TTC12: variants seen among roughly 807,000 people sequenced by gnomAD.
The protein encoded by TTC12 is tetratricopeptide repeat protein 12.
A neutral mutation model predicts 90.1 loss-of-function variants in TTC12; 70 were observed. The observed-to-expected ratio is 0.78, with a 90% confidence interval of 0.64 to 0.95. TTC12 has a LOEUF of 0.95. Ranked by LOEUF, TTC12 falls within the 40% of genes least tolerant of loss-of-function variation. The pLI, the probability that TTC12 is intolerant of heterozygous loss-of-function variation, is 0.00. For synonymous variants in TTC12, 296 were observed against 311.5 expected, an observed-to-expected ratio of 0.95 and a Z score of 0.53; for missense variants, 819 against 846.1, an observed-to-expected ratio of 0.97 and a Z score of 0.40.
intron 6 of TTC12, among the ~76,000 whole-genome samples, chr11:113,327,110 A>C (rs1947742510): frequency 6.6e-6 from 1 of 152,240 alleles, no homozygotes; most frequent in Non-Finnish European, 1.5e-5. Context: ...AAAGTTATAT[A>C]ATTTCAGACA....
At chr11:113,367,004 C>T (rs1950240585), downstream of TTC12, among the ~76,000 whole-genome samples, 1 of 152,190 alleles carries the variant, frequency 6.6e-6, no homozygotes, top group Non-Finnish European at 1.5e-5. Flanking sequence ...TACAGTGAAC[C>T]CTGACTGATG....
intron 6 of TTC12, among the ~76,000 whole-genome samples, chr11:113,326,444 T>G (rs1555141084): frequency 6.6e-6 from 1 of 152,078 alleles, no homozygotes; most frequent in South Asian, 2.1e-4. Context: ...CTGTGTGAGG[T>G]GGACTTGATG....
Position 113,323,312 on chromosome 11 carries a change from C to T in TTC12, c.83C>T (p.Ser28Phe), listed in dbSNP as rs756792530. ...GCCAATTTAATTCAGGAGATGAATT[C>T]TGATGACCCAGTTGTGCAACAGAAA... is the stretch of plus-strand genomic sequence containing the variant. ...EISNLIQEMNSDDPVVQQKAV... is the reference protein window; with the variant it reads ...EISNLIQEMNFDDPVVQQKAV... The change falls in exon 3 of 22, where the codon TCT becomes TTT. Residue 28 changes from serine (S) to phenylalanine (F), a missense_variant. By Grantham distance (155) the Ser-to-Phe change is radical. Coordinates refer to ENST00000529221, the MANE Select transcript of TTC12 (RefSeq NM_017868.4). 49 of 1,603,298 alleles carry T rather than the reference C, an allele frequency of 3.1e-5. 1 individual carries two copies. Among genetic ancestry groups the T allele is most frequent in the Non-Finnish European group, 4.1e-5 (48 of 1,177,040 alleles).
In TTC12 at chr11:113,316,224, A is replaced by G. The variant is rs978218597; in HGVS notation, c.-15-19A>G. Reference sequence around the variant, plus strand: ...GTGCTTTATTATTATTAATTTCACCATTATGCTGCATCCCTTAGGGATTCC... The same window carrying G: ...GTGCTTTATTATTATTAATTTCACCGTTATGCTGCATCCCTTAGGGATTCC... On this transcript the variant is annotated intron_variant, in intron 1 of 21. Coordinates refer to ENST00000529221, the MANE Select transcript of TTC12 (RefSeq NM_017868.4). The G allele has an allele frequency of 1.5e-6, 2 of 1,303,596 alleles. No homozygotes were observed. The highest frequency in any genetic ancestry group is 3.0e-5 in the African/African-American group (2 of 66,938). The allele number at this position is 1,303,596 out of a possible 1,614,324, so 80.8% of individuals were successfully genotyped here.
intron 16 of TTC12, among the ~76,000 whole-genome samples, chr11:113,356,971 T>C (rs782158912): frequency 3.3e-5 from 5 of 152,208 alleles, no homozygotes; most frequent in Non-Finnish European, 5.9e-5. Context: ...TGTTGGCCTC[T>C]CTAGCTAGGT....
rs781881632 is a variant in TTC12 at position 113,338,800 on chromosome 11, A to T, written c.603A>T (p.Leu201Phe). Residue 201 changes from leucine (L) to phenylalanine (F), a missense_variant, in exon 9 of 22, where the codon TTA becomes TTT. Physicochemically the swap from Leu to Phe is conservative, Grantham distance 22. Transcript: ENST00000529221. ...CTAGAGAGTGTTATAAGAAGATCTT[A>T]GAAATAAACCCCAAGCTGCAAACCC... ...SVSRECYKKI[L>F]EINPKLQTQV... 1 of 1,614,080 alleles carries T rather than the reference A, an allele frequency of 6.2e-7. No homozygotes were observed. The highest frequency in any genetic ancestry group is 1.1e-5 in the South Asian group (1 of 91,070).
At chr11:113,328,541 C>A (rs1947832466) in intron 6 of TTC12, among the ~76,000 whole-genome samples, 1 of 152,048 alleles carries the variant, frequency 6.6e-6, no homozygotes, top group South Asian at 2.1e-4. Flanking sequence ...TCTCATATGT[C>A]ACTCTACTTC....
chr11:113,332,302 G>A (rs1051450512), intron 7 of TTC12, among the ~76,000 whole-genome samples: 3 of 152,204 alleles, frequency 2.0e-5, no homozygotes, highest in Non-Finnish European at 2.9e-5. Flanking sequence ...GGGCCTATTC[G>A]TGAGAAAAAT....
intron 21 of TTC12, 139 bp from the exon 22 acceptor site, chr11:113,366,086 A>T: frequency 1.1e-6 from 1 of 876,246 alleles, no homozygotes. Context: ...CCCCAATGCC[A>T]CAGCCACTTC....
At chr11:113,344,171 G>A in intron 12 of TTC12, 101 bp from the exon 13 acceptor site, 1 of 1,290,286 alleles carries the variant, frequency 7.8e-7, no homozygotes, top group Non-Finnish European at 1.1e-6. Context: ...GCCTTCAAAT[G>A]AGTGGGCACC....
chr11:113,335,195 T>C (rs925060091), intron 8 of TTC12, among the ~76,000 whole-genome samples, 158 bp downstream of exon 8: 4 of 152,204 alleles, frequency 2.6e-5, no homozygotes, highest in African/African-American at 7.2e-5. Context: ...GGGAAGAATT[T>C]TGGGTGTCAG....
chr11:113,351,383 G>A (rs573369817), intron 15 of TTC12, 84 bp downstream of exon 15: 4 of 1,101,652 alleles, frequency 3.6e-6, no homozygotes, highest in Non-Finnish European at 5.5e-6. Context: ...TTACAATCCA[G>A]AACAACTATT....
intron 12 of TTC12, 36 bp from the exon 13 acceptor site, chr11:113,344,236 G>C: frequency 6.3e-7 from 1 of 1,582,712 alleles, no homozygotes; most frequent in South Asian, 1.1e-5. Flanking sequence ...TTGCCATGAT[G>C]GCATGCACAA....
downstream of TTC12, among the ~76,000 whole-genome samples, chr11:113,367,381 T>C (rs1266912507): frequency 1.3e-5 from 2 of 152,172 alleles, no homozygotes; most frequent in Non-Finnish European, 2.9e-5. Context: ...CCTCCTCCAT[T>C]GTTGTAAAGG....
In TTC12 at chr11:113,350,109, G is replaced by A. The variant is rs201793229; in HGVS notation, c.1191G>A (p.Ser397=). ...CGCTGGTGTCATTTCTTGATTTCTC[G>A]GATAAGGAGGCCAACACTGCTATGG... The part of the protein sequence containing the change: ...LEALVSFLDF[S]DKEANTAMGL... The change falls in exon 14 of 22, where the codon TCG becomes TCA. Residue 397 remains serine, a synonymous_variant. Coordinates refer to ENST00000529221, the MANE Select transcript of TTC12 (RefSeq NM_017868.4). 26 of 1,613,904 alleles carry A rather than the reference G, an allele frequency of 1.6e-5. No individual in the cohort carries two copies. Among genetic ancestry groups the A allele is most frequent in the East Asian group, 8.9e-5 (4 of 44,884 alleles).
At chr11:113,372,069 A>T (rs1430515382) in intron 21 of TTC12, among the ~76,000 whole-genome samples, 2 of 151,960 alleles carry the variant, frequency 1.3e-5, no homozygotes, top group African/African-American at 4.8e-5. Context: ...TTTCTATGTG[A>T]CTCTACCCTA....
At chr11:113,350,889 G>C (rs537862360) in intron 14 of TTC12, among the ~76,000 whole-genome samples, 19 of 152,210 alleles carry the variant, frequency 1.2e-4, no homozygotes, top group Non-Finnish European at 2.5e-4. Context: ...GGGTAAACAT[G>C]CTTGCATGGT....
chr11:113,365,422 T>C, intron 21 of TTC12: 1 of 244,570 alleles, frequency 4.1e-6, no homozygotes, highest in Non-Finnish European at 8.3e-6. Context: ...CTTCCCTCTT[T>C]TCTCTCTTCT....
chr11:113,360,176 A>G (rs1949842815), intron 18 of TTC12, among the ~76,000 whole-genome samples, 168 bp downstream of exon 18: 1 of 152,204 alleles, frequency 6.6e-6, no homozygotes, highest in African/African-American at 2.4e-5. Context: ...ACACAAGCAC[A>G]TAAATACCAG....
Sources: gnomAD v4.1 joint callset for allele counts (sites outside exome capture counted in the v4.1 genomes callset) on GRCh38, gnomAD v4.1.1 for gene constraint, MANE v1.5 for transcripts, NCBI Gene and HGNC (gene_info 2026-07-23, HGNC 2026-07-21) for gene names.